The following PARP14 variants were observed in gnomAD, a reference collection of about 807,000 sequenced individuals.
PARP14 encodes the protein protein mono-ADP-ribosyltransferase PARP14.
PARP14 carries 59 observed loss-of-function variants against 154.2 expected under a neutral mutation model. The observed-to-expected ratio is 0.38, with a 90% confidence interval of 0.31 to 0.48. PARP14 has a LOEUF of 0.48. PARP14 is among the 20% of genes least tolerant of loss of function. The probability of loss-of-function intolerance (pLI) is 0.98; values close to 1 mark genes in which losing one functional copy is unlikely to be tolerated. For missense variants in PARP14, 1,734 were observed against 2,131.6 expected (o/e 0.81, Z 3.67); for synonymous variants, 720 against 780.5 (o/e 0.92, Z 1.29).
At chr3:122,687,245 G>A (rs918038371) in intron 3 of PARP14, 132 bp downstream of exon 3, 6 of 659,432 alleles carry the variant, frequency 9.1e-6, no homozygotes, top group Non-Finnish European at 1.4e-5. Flanking sequence ...GAGCTGCCTT[G>A]GACTGCATCA....
At position 122,703,758 on chromosome 3, in the gene PARP14, A is replaced by G. The variant is rs544966168; in HGVS notation, c.3098A>G (p.Asn1033Ser). 1.9e-6 allele frequency: 3 copies of G among 1,603,696 alleles called. No individual in the cohort carries two copies. The Admixed American group carries it at 5.2e-5, about 28-fold the overall frequency. ...VQNAKTDVVVNSVPLDLVLSR... is the reference protein window; with the variant it reads ...VQNAKTDVVVSSVPLDLVLSR... Reference sequence around the variant, plus strand: ...GTCTTTAAGACCGATGTTGTTGTCAACTCCGTTCCCTTGGATCTCGTGCTT... The same window carrying G: ...GTCTTTAAGACCGATGTTGTTGTCAGCTCCGTTCCCTTGGATCTCGTGCTT... The change falls in exon 7 of 17, where the codon AAC becomes AGC. Residue 1033 changes from asparagine to serine, a missense_variant. Around this residue, in one of 2 missense-constraint regions of PARP14, gnomAD observed 1,646 missense variants for 1,976.0 expected, o/e 0.83. Coordinates refer to ENST00000474629, the MANE Select transcript of PARP14 (RefSeq NM_017554.3).
chr3:122,698,226 C>T (rs1316625442), intron 5 of PARP14, among the ~76,000 whole-genome samples: 1 of 152,220 alleles, frequency 6.6e-6, no homozygotes, highest in Non-Finnish European at 1.5e-5. Flanking sequence ...TGCTTGATAC[C>T]AGCTCTAGGA....
At chr3:122,695,393 CT>C in intron 4 of PARP14, 32 bp from the exon 5 acceptor site, 1 of 1,062,734 alleles carries the variant, frequency 9.4e-7, no homozygotes, top group Non-Finnish European at 1.4e-6. Context: ...TAAAAATTTA[CT>C]GATTTTCTTT....
chr3:122,708,309 C>A, intron 9 of PARP14, 41 bp downstream of exon 9: 1 of 1,062,834 alleles, frequency 9.4e-7, no homozygotes, highest in Non-Finnish European at 1.4e-6. Flanking sequence ...TTTCTAGTTG[C>A]TAAGTAACTG....
intron 12 of PARP14, among the ~76,000 whole-genome samples, chr3:122,715,622 CTAT>C: frequency 1.4e-5 from 2 of 148,102 alleles, no homozygotes; most frequent in Non-Finnish European, 3.0e-5. Context: ...ATCTATCTAT[CTAT>C]CTATCTATCT....
At chr3:122,725,918 TGTTA>T (rs1228409529) in intron 15 of PARP14, among the ~76,000 whole-genome samples, 2 of 152,174 alleles carry the variant, frequency 1.3e-5, no homozygotes, top group African/African-American at 4.8e-5. Context: ...CCTATTATGT[TGTTA>T]GTTATACATT....
At chr3:122,720,911 A>C (rs1224272158) in intron 15 of PARP14, 1 of 455,190 alleles carries the variant, frequency 2.2e-6, no homozygotes, top group Non-Finnish European at 4.4e-6. Context: ...GTTTGACGCC[A>C]GTCTGGGTAA....
At chr3:122,719,079 C>T in intron 14 of PARP14, 121 bp downstream of exon 14, 1 of 1,017,872 alleles carries the variant, frequency 9.8e-7, no homozygotes, top group Non-Finnish European at 1.4e-6. Flanking sequence ...ATGAAATAAA[C>T]TAGAAAATGT....
chr3:122,682,453 CG>C (rs1938240236), intron 1 of PARP14, among the ~76,000 whole-genome samples: 1 of 152,096 alleles, frequency 6.6e-6, no homozygotes, highest in Non-Finnish European at 1.5e-5. Flanking sequence ...TGTATTTAAC[CG>C]GCAGCCCAGG....
chr3:122,700,216 C>T lies in PARP14; in HGVS notation c.1662C>T (p.Phe554=). The change falls in exon 6 of 17, where the codon TTC becomes TTT. Residue 554 remains phenylalanine (F), a synonymous_variant. Transcript: ENST00000474629. ...TGCAACAGGTAAACTGGAAAGAATT[C>T]TCTAAGTGTCTTTTCATAGCACAGA... ...QFLQQVNWKE[F]SKCLFIAQKI... 1 of 1,611,498 alleles carries T rather than the reference C, an allele frequency of 6.2e-7. No individual in the cohort carries two copies.
chr3:122,700,715 A>G lies in PARP14; in HGVS notation c.2161A>G (p.Lys721Glu). The change falls in exon 6 of 17, where the codon AAG becomes GAG. Residue 721 changes from lysine (K) to glutamate (E), a missense_variant. Transcript: ENST00000474629. ...AAAAGGCATTTTACTAACTGGCTCA[A>G]AGACCGAAGTACTGAAGGCAGTGGA... ...KQKGILLTGS[K>E]TEVLKAVDIV... is the part of the protein sequence containing the mutation. The G allele has an allele frequency of 6.2e-7, 1 of 1,612,878 alleles. No individual in the cohort carries two copies. Among genetic ancestry groups the G allele is most frequent in the Non-Finnish European group, 8.5e-7 (1 of 1,179,406 alleles).
At chr3:122,682,849 G>A (rs1197378680) in intron 1 of PARP14, among the ~76,000 whole-genome samples, 2 of 152,006 alleles carry the variant, frequency 1.3e-5, no homozygotes, top group East Asian at 1.9e-4. Context: ...TGAGGAGATC[G>A]AGACCATCCT....
chr3:122,699,657 C>A lies in PARP14; in HGVS notation c.1103C>A (p.Pro368Gln). Residue 368 changes from proline (P) to glutamine (Q), a missense_variant, in exon 6 of 17, where the codon CCA (proline) becomes CAA (glutamine). By Grantham distance (76) the Pro-to-Gln change is moderately conservative (BLOSUM62 -1). Around this residue, in one of 2 missense-constraint regions of PARP14, gnomAD observed 1,646 missense variants for 1,976.0 expected, o/e 0.83. Coordinates refer to ENST00000474629, the MANE Select transcript of PARP14 (RefSeq NM_017554.3). ...CTCAGTGGTAAAGTTACCATCAGAC[C>A]AGCAGCCACCTTAGTCAATGAAGGA... ...SQLSGKVTIRPAATLVNEGRP... is the reference protein window; with the variant it reads ...SQLSGKVTIRQAATLVNEGRP... 6.2e-7 allele frequency: 1 copy of A among 1,613,988 alleles called. No individual in the cohort carries two copies. The highest frequency in any genetic ancestry group is 1.1e-5 in the South Asian group (1 of 91,084).
rs369094706 is a variant in PARP14 at position 122,680,868 on chromosome 3, G to C, written c.-16G>C. 207 of 1,587,794 alleles carry C rather than the reference G, an allele frequency of 1.3e-4. No homozygotes were observed. Among genetic ancestry groups the C allele is most frequent in the Non-Finnish European group, 1.7e-4 (196 of 1,166,940 alleles). On this transcript the variant is annotated 5_prime_UTR_variant, in exon 1 of 17. Transcript: ENST00000474629. ...TTGGCGCGGCCCCTGCAGTCCGGCG[G>C]AGAGCGGAGCTGAGGATGGCTGTGC...
rs1938882528 is a variant in PARP14 at position 122,699,542 on chromosome 3, T to G, written c.988T>G (p.Leu330Val). The G allele has an allele frequency of 6.2e-7, 1 of 1,613,968 alleles. No homozygotes were observed. The highest frequency in any genetic ancestry group is 1.1e-5 in the South Asian group (1 of 91,080). ...APFEESLDLP[L>V]WKFLQKKNHL... is the part of the protein sequence containing the mutation. ...ATTTGAAGAGTCACTAGATCTTCCC[T>G]TATGGAAGTTCTTACAGAAAAAGAA... is the stretch of plus-strand genomic sequence containing the variant. Residue 330 changes from leucine (L) to valine (V), a missense_variant, in exon 6 of 17, where the codon TTA becomes GTA. Coordinates refer to ENST00000474629, the MANE Select transcript of PARP14 (RefSeq NM_017554.3).
chr3:122,720,976 C>T, intron 15 of PARP14: 1 of 329,220 alleles, frequency 3.0e-6, no homozygotes, highest in South Asian at 2.2e-5. Flanking sequence ...GCATCTTCTT[C>T]CATTTTTAAA....
Position 122,718,480 on chromosome 3 carries a change from C to G in PARP14, c.4329C>G (p.Ile1443Met), listed in dbSNP as rs1933060954. ...ATGTCACGTGTGTGGAATATGCTAT[C>G]TCCTGGCTACAAGACCTGATTGAAA... The part of the protein sequence containing the change: ...GENVTCVEYA[I>M]SWLQDLIEKE... Residue 1443 changes from isoleucine (I) to methionine (M), a missense_variant, in exon 14 of 17, where the codon ATC becomes ATG. Physicochemically the swap from Ile to Met is conservative, Grantham distance 10. Around this residue, in one of 2 missense-constraint regions of PARP14, gnomAD observed 1,646 missense variants for 1,976.0 expected, o/e 0.83. Transcript: ENST00000474629. 2 of 1,613,952 alleles carry G rather than the reference C, an allele frequency of 1.2e-6. No individual in the cohort carries two copies. Among genetic ancestry groups the G allele is most frequent in the East Asian group, 2.2e-5 (1 of 44,892 alleles).
At chr3:122,683,442 A>T (rs1938277975) in intron 1 of PARP14, 1 of 202,728 alleles carries the variant, frequency 4.9e-6, no homozygotes, top group Admixed American at 6.5e-5. Context: ...TCTCACTTTT[A>T]TATAGTTCAC....
intron 1 of PARP14, chr3:122,683,224 C>G (rs1938269505): frequency 1.3e-6 from 1 of 799,420 alleles, no homozygotes; most frequent in African/African-American, 1.9e-5. Context: ...AATGAATGAC[C>G]TACGCTTGAA....
Sources: gnomAD v4.1 joint callset for allele counts (sites outside exome capture counted in the v4.1 genomes callset) on GRCh38, gnomAD v4.1.1 for gene constraint, gnomAD v4.1.1 regional missense constraint, MANE v1.5 for transcripts, NCBI Gene and HGNC (gene_info 2026-07-23, HGNC 2026-07-21) for gene names.